ENPP6: variants seen among roughly 807,000 people sequenced by gnomAD.
ENPP6 encodes the protein ectonucleotide pyrophosphatase/phosphodiesterase 6.
In ENPP6, 32 loss-of-function variants were observed where a neutral mutation model predicts 42.0. That is an observed-to-expected ratio of 0.76 (90% confidence interval 0.58 to 1.02). The LOEUF (loss-of-function observed/expected upper bound fraction) is 1.02. Ranked by LOEUF, ENPP6 falls within the 50% of genes least tolerant of loss-of-function variation. The pLI is 0.00. For missense variants in ENPP6, 552 were observed against 566.8 expected, an observed-to-expected ratio of 0.97 and a Z score of 0.27; for synonymous variants, 213 against 216.0, an observed-to-expected ratio of 0.99 and a Z score of 0.12.
At chr4:184,171,508 A>G (rs1428115958) in intron 1 of ENPP6, among the ~76,000 whole-genome samples, 1 of 152,270 alleles carries the variant, frequency 6.6e-6, no homozygotes, top group African/African-American at 2.4e-5. Flanking sequence ...AAGAAGAACA[A>G]GTAGAATGGG....
chr4:184,138,287 A>G (rs891702742), intron 2 of ENPP6, among the ~76,000 whole-genome samples: 5 of 152,234 alleles, frequency 3.3e-5, no homozygotes, highest in Admixed American at 2.0e-4. Flanking sequence ...TTTTGTACCA[A>G]TGTCATTTAA....
At position 184,205,548 on chromosome 4, in the gene ENPP6, G is replaced by A. The variant is rs563800941; in HGVS notation, c.241+12031C>T. Among the ~76,000 whole-genome samples the A allele has an allele frequency of 2.6e-5, 4 of 152,386 alleles. No homozygotes were observed. In the South Asian group the frequency reaches 8.3e-4, roughly 32 times the overall value. ...GTGACCTATAGGGCCAGGTCTGCAAGAGCGTTAGATTCCACTTGGGGTACA... is the reference window on the plus strand; with the variant it reads ...GTGACCTATAGGGCCAGGTCTGCAAAAGCGTTAGATTCCACTTGGGGTACA... On this transcript the variant is annotated intron_variant, in intron 1 of 7. Transcript: ENST00000296741.
chr4:184,162,079 T>C (rs188836537), intron 1 of ENPP6, among the ~76,000 whole-genome samples: 1,539 of 151,968 alleles, frequency 0.01, 21 homozygotes, highest in South Asian at 0.084. Flanking sequence ...CAGCAACAAC[T>C]GCCCCCCTCC....
At chr4:184,144,869 A>G (rs1371265913) in intron 2 of ENPP6, among the ~76,000 whole-genome samples, 2 of 152,244 alleles carry the variant, frequency 1.3e-5, no homozygotes, top group African/African-American at 2.4e-5. Flanking sequence ...TCCCGTACTC[A>G]TCGTTCCTTT....
intron 6 of ENPP6, among the ~76,000 whole-genome samples, chr4:184,109,982 G>A (rs762746969): frequency 6.6e-6 from 1 of 152,190 alleles, no homozygotes; most frequent in Non-Finnish European, 1.5e-5. Flanking sequence ...TGGGGCGGGA[G>A]GATGTGGGGG....
intron 1 of ENPP6, among the ~76,000 whole-genome samples, chr4:184,212,975 A>C (rs1477232178): frequency 6.6e-6 from 1 of 152,016 alleles, no homozygotes; most frequent in African/African-American, 2.4e-5. Flanking sequence ...CCTGAGAAAA[A>C]CAAGCAATGG....
chr4:184,198,893 C>A (rs968345838), intron 1 of ENPP6, among the ~76,000 whole-genome samples: 1 of 152,164 alleles, frequency 6.6e-6, no homozygotes, highest in Non-Finnish European at 1.5e-5. Flanking sequence ...TACCATGATT[C>A]CTGGTTTCTT....
chr4:184,142,884 T>C (rs1282611289), intron 2 of ENPP6, among the ~76,000 whole-genome samples: 2 of 152,202 alleles, frequency 1.3e-5, no homozygotes, highest in African/African-American at 2.4e-5. Context: ...GGTCAGCGAC[T>C]GCACTTCTTC....
At position 184,184,303 on chromosome 4, in the gene ENPP6, A is replaced by T. The variant is rs902530634; in HGVS notation, c.242-30570T>A. Among the ~76,000 whole-genome samples the T allele has an allele frequency of 6.6e-6, 1 of 152,228 alleles. No individual in the cohort carries two copies. Among genetic ancestry groups the T allele is most frequent in the African/African-American group, 2.4e-5 (1 of 41,442 alleles). On this transcript the variant is annotated intron_variant, in intron 1 of 7. Coordinates refer to ENST00000296741, the MANE Select transcript of ENPP6 (RefSeq NM_153343.4). This position sits in a 1 kb window ranked among gnomAD's most constrained non-coding sequence, Gnocchi z 4.7. The stretch of plus-strand genomic sequence containing the variant: ...ACGTGTTTAAAGAAATAAAAGATAG[A>T]ATCAAAATTAGCAAGGAACAAGAGA...
At chr4:184,132,688 G>A (rs752246534) in intron 2 of ENPP6, among the ~76,000 whole-genome samples, 17 of 151,290 alleles carry the variant, frequency 1.1e-4, no homozygotes, top group South Asian at 4.2e-4. Context: ...TCCATTTTAC[G>A]TTTAGATCTA....
At chr4:184,120,060 G>A (rs1229981383) in intron 3 of ENPP6, among the ~76,000 whole-genome samples, 1 of 152,172 alleles carries the variant, frequency 6.6e-6, no homozygotes, top group Non-Finnish European at 1.5e-5. Flanking sequence ...TAAAGCACTT[G>A]ACACATAGTA....
chr4:184,206,997 C>T (rs562700933), intron 1 of ENPP6, among the ~76,000 whole-genome samples: 31 of 152,368 alleles, frequency 2.0e-4, no homozygotes, highest in African/African-American at 7.0e-4. Flanking sequence ...ACCTCTGATG[C>T]CTACTCGCCT....
chr4:184,088,793 A>C lies in ENPP6; in HGVS notation c.*2384T>G, dbSNP rs1735735353. The C allele has an allele frequency of 2.6e-5, 4 of 152,170 alleles. No individual in the cohort carries two copies. The South Asian group carries it at 8.3e-4, about 32-fold the overall frequency. 9.4% of individuals were successfully genotyped at this position (152,170 alleles called of 1,614,324 possible). ...ACCAGGATTCATGATTCCTTTTGTA[A>C]CTTGTTCTCAGTCATTTATTCAGTT... On this transcript the variant is annotated 3_prime_UTR_variant, in exon 8 of 8. Transcript: ENST00000296741.
chr4:184,090,785 C>A lies in ENPP6; in HGVS notation c.*392G>T. ...GGTGTGGACAGGGCACAGACAAGGG[C>A]CTGGTCTGAGGGGGTCCTTTGTGCA... On this transcript the variant is annotated 3_prime_UTR_variant, in exon 8 of 8. Transcript: ENST00000296741. 2.7e-6 allele frequency: 1 copy of A among 368,680 alleles called. No individual in the cohort carries two copies. Among genetic ancestry groups the A allele is most frequent in the Non-Finnish European group, 4.8e-6 (1 of 206,282 alleles). The allele number at this position is 368,680 out of a possible 1,614,324, so 22.8% of individuals were successfully genotyped here.
intron 7 of ENPP6, among the ~76,000 whole-genome samples, chr4:184,096,795 A>G (rs1488190458): frequency 6.6e-6 from 1 of 151,980 alleles, no homozygotes; most frequent in East Asian, 1.9e-4. Flanking sequence ...TGGACTCTAA[A>G]CTAAATGAGC....
Position 184,151,407 on chromosome 4 carries a change from C to T in ENPP6, c.421+2147G>A, listed in dbSNP as rs928452021. ...GCAGAGAGAAGTGTGTGCAATACGG[C>T]GACTGCCCCTCAGTAGGATCTCCTC... On this transcript the variant is annotated intron_variant, in intron 2 of 7. Transcript: ENST00000296741. Among the ~76,000 whole-genome samples the T allele has an allele frequency of 2.6e-5, 4 of 152,318 alleles. No homozygotes were observed. The East Asian group carries it at 7.7e-4, about 29-fold the overall frequency.
intron 2 of ENPP6, among the ~76,000 whole-genome samples, chr4:184,132,971 A>G (rs1014531421): frequency 5.3e-5 from 8 of 152,074 alleles, no homozygotes; most frequent in Non-Finnish European, 5.9e-5. Context: ...TATTTCAGGA[A>G]TTTCTGACCT....
intron 2 of ENPP6, among the ~76,000 whole-genome samples, chr4:184,138,323 C>T (rs2111365643): frequency 6.6e-6 from 1 of 152,262 alleles, no homozygotes; most frequent in Non-Finnish European, 1.5e-5. Context: ...CTTTGAATGC[C>T]AAAATCACAC....
At chr4:184,203,123 T>C (rs969763315) in intron 1 of ENPP6, among the ~76,000 whole-genome samples, 2 of 148,902 alleles carry the variant, frequency 1.3e-5, no homozygotes, top group East Asian at 1.9e-4. Context: ...TGGGGGCAGG[T>C]GCCTGTAATC....
Sources: gnomAD v4.1 joint callset for allele counts (sites outside exome capture counted in the v4.1 genomes callset) on GRCh38, gnomAD v4.1.1 for gene constraint, Gnocchi (gnomAD v3.1) non-coding constraint, MANE v1.5 for transcripts, NCBI Gene and HGNC (gene_info 2026-07-23, HGNC 2026-07-21) for gene names.